ZNF804A: variants seen among roughly 807,000 people sequenced by gnomAD.
ZNF804A encodes zinc finger protein 804A.
In ZNF804A, 2 loss-of-function variants were observed where a neutral mutation model predicts 16.5. The observed-to-expected ratio is 0.12, with a 90% CI of 0.05 to 0.38. The LOEUF is 0.38. Among genes scored for constraint, ZNF804A ranks in the 10% least tolerant of loss-of-function variants. ZNF804A has a pLI of 0.99. For missense variants in ZNF804A, 1,473 were observed against 1,390.7 expected, an observed-to-expected ratio of 1.06 and a Z score of -0.94; for synonymous variants, 534 against 489.6, an observed-to-expected ratio of 1.09 and a Z score of -1.20.
intron 1 of ZNF804A, among the ~76,000 whole-genome samples, chr2:184,640,469 A>C (rs1028994145): frequency 6.6e-6 from 1 of 152,158 alleles, no homozygotes; most frequent in African/African-American, 2.4e-5. Flanking sequence ...TAGAATATAA[A>C]GGAACAGAAA....
intron 1 of ZNF804A, among the ~76,000 whole-genome samples, chr2:184,721,497 A>T (rs1297096055): frequency 6.6e-6 from 1 of 152,178 alleles, no homozygotes; most frequent in Admixed American, 6.6e-5. Context: ...TAACATCACT[A>T]GTCATCATGG....
Position 184,937,472 on chromosome 2 carries a change from C to T in ZNF804A, c.2076C>T (p.His692=). ...NTYDTISSKN[H]CKKNTILLNG... ...ATGATACTATCAGTTCTAAAAACCACTGTAAAAAGAACACAATACTTTTAA... is the reference window on the plus strand; with the variant it reads ...ATGATACTATCAGTTCTAAAAACCATTGTAAAAAGAACACAATACTTTTAA... The change falls in exon 4 of 4, where the codon CAC becomes CAT. Residue 692 remains histidine, a synonymous_variant. Transcript: ENST00000302277. 1 of 1,577,058 alleles carries T rather than the reference C, an allele frequency of 6.3e-7. No individual in the cohort carries two copies.
At chr2:184,702,512 T>C (rs532178405) in intron 1 of ZNF804A, among the ~76,000 whole-genome samples, 1 of 152,242 alleles carries the variant, frequency 6.6e-6, no homozygotes, top group South Asian at 2.1e-4. Flanking sequence ...TGATTTCTTC[T>C]CTATTCCTAA....
At chr2:184,933,857 C>T in intron 3 of ZNF804A, 124 bp downstream of exon 3, 1 of 948,146 alleles carries the variant, frequency 1.1e-6, no homozygotes, top group Non-Finnish European at 1.5e-6. Flanking sequence ...CACATGTTTT[C>T]ATGGCCTTCT....
At chr2:184,781,294 AG>A (rs1257916098) in intron 1 of ZNF804A, among the ~76,000 whole-genome samples, 2 of 151,770 alleles carry the variant, frequency 1.3e-5, no homozygotes, top group African/African-American at 4.8e-5. Context: ...ATTTTCTCCT[AG>A]GTACAATGCC....
rs1201163269 is a variant in ZNF804A, at chr2:184,876,928, G to T, written c.255+10416G>T. Among the ~76,000 whole-genome samples, 3 of 151,978 alleles carry T rather than the reference G, an allele frequency of 2.0e-5. No homozygotes were observed. In the South Asian group the frequency reaches 6.2e-4, roughly 32 times the overall value. On this transcript the variant is annotated intron_variant, in intron 2 of 3. Coordinates refer to ENST00000302277, the MANE Select transcript of ZNF804A (RefSeq NM_194250.2). Reference sequence around the variant, plus strand: ...AGAGATAAATGCATCTAATTTTACGGATTTCATTTTATAAATTCAACTTAG... The same window carrying T: ...AGAGATAAATGCATCTAATTTTACGTATTTCATTTTATAAATTCAACTTAG...
intron 1 of ZNF804A, among the ~76,000 whole-genome samples, chr2:184,819,207 T>TA (rs59552741): frequency 0.015 from 2,215 of 150,662 alleles, 60 homozygotes; most frequent in African/African-American, 0.051. Flanking sequence ...GAAAGGAAAT[T>TA]AAAAAAAAAG....
At chr2:184,892,441 G>A (rs1684999037) in intron 2 of ZNF804A, among the ~76,000 whole-genome samples, 1 of 148,308 alleles carries the variant, frequency 6.7e-6, no homozygotes, top group African/African-American at 2.5e-5. Flanking sequence ...GATACCATTA[G>A]CATTTTTCGC....
At chr2:184,689,661 A>C (rs1351277660) in intron 1 of ZNF804A, among the ~76,000 whole-genome samples, 2 of 152,084 alleles carry the variant, frequency 1.3e-5, no homozygotes, top group Admixed American at 6.5e-5. Context: ...TTAAATATGT[A>C]ATATATGCTT....
chr2:184,851,950 T>A (rs1281813307), intron 1 of ZNF804A, among the ~76,000 whole-genome samples: 3 of 151,804 alleles, frequency 2.0e-5, no homozygotes, highest in Non-Finnish European at 4.4e-5. Context: ...ACTGAGCATT[T>A]TGTTTCATAT....
At chr2:184,863,337 T>C (rs1206828436) in intron 1 of ZNF804A, among the ~76,000 whole-genome samples, 1 of 152,148 alleles carries the variant, frequency 6.6e-6, no homozygotes, top group East Asian at 1.9e-4. Flanking sequence ...AGTTAATACA[T>C]CCAAATTATT....
intron 1 of ZNF804A, among the ~76,000 whole-genome samples, chr2:184,672,784 C>G (rs1692356741): frequency 6.6e-6 from 1 of 151,818 alleles, no homozygotes; most frequent in African/African-American, 2.4e-5. Flanking sequence ...TTTTGTCACC[C>G]AGGCTGGAGT....
At chr2:184,689,181 A>G (rs1046800975) in intron 1 of ZNF804A, among the ~76,000 whole-genome samples, 3 of 152,130 alleles carry the variant, frequency 2.0e-5, no homozygotes, top group African/African-American at 4.8e-5. Flanking sequence ...CAGTCTGAGC[A>G]TCTCTCCTTC....
chr2:184,836,454 GAATTACAGT>G (rs1370059733), intron 1 of ZNF804A, among the ~76,000 whole-genome samples: 7 of 152,052 alleles, frequency 4.6e-5, no homozygotes, highest in Non-Finnish European at 7.4e-5. Context: ...AACGGAAGTT[GAATTACAGT>G]GGGACAGTGT....
At chr2:184,616,524 A>G (rs964588887) in intron 1 of ZNF804A, among the ~76,000 whole-genome samples, 4 of 152,170 alleles carry the variant, frequency 2.6e-5, no homozygotes, top group Non-Finnish European at 1.5e-5. Flanking sequence ...TTTCCATCTT[A>G]TAGAAGAATT....
chr2:184,902,205 A>G (rs969234521), intron 2 of ZNF804A: 27 of 165,480 alleles, frequency 1.6e-4, no homozygotes, highest in African/African-American at 6.4e-4. Flanking sequence ...CAGGGTGTGG[A>G]CCTTGGCCAC....
intron 2 of ZNF804A, among the ~76,000 whole-genome samples, chr2:184,925,605 A>T (rs1256305157): frequency 6.6e-6 from 1 of 151,516 alleles, no homozygotes; most frequent in African/African-American, 2.4e-5. Context: ...GTTTTGTTGT[A>T]GTCTTCTCTT....
chr2:184,617,038 ACTTACAATAAAT>A (rs1259331670), intron 1 of ZNF804A, among the ~76,000 whole-genome samples: 1 of 152,070 alleles, frequency 6.6e-6, no homozygotes, highest in Non-Finnish European at 1.5e-5. Flanking sequence ...CCCTCCCATC[ACTTACAATAAAT>A]CTTTTAGAAA....
chr2:184,832,950 C>T (rs1695288613), intron 1 of ZNF804A, among the ~76,000 whole-genome samples: 1 of 151,900 alleles, frequency 6.6e-6, no homozygotes, highest in Non-Finnish European at 1.5e-5. Context: ...ATTTATGCTG[C>T]CACAAATAAC....
Sources: allele counts gnomAD v4.1 joint callset (sites outside exome capture counted in the v4.1 genomes callset), GRCh38; gene constraint gnomAD v4.1.1; transcripts MANE v1.5; gene names NCBI Gene and HGNC (gene_info 2026-07-23, HGNC 2026-07-21).